CNTN4: variants seen among roughly 807,000 people sequenced by gnomAD.
CNTN4 encodes contactin 4.
Under a neutral mutation model 122.5 loss-of-function variants are expected in CNTN4, and 77 were observed. The ratio of observed to expected loss-of-function variants is 0.63; its 90% CI spans 0.52 to 0.76. The LOEUF (loss-of-function observed/expected upper bound fraction) is 0.76. Ranked by LOEUF, CNTN4 falls within the 30% of genes least tolerant of loss-of-function variation. The pLI, the probability that CNTN4 is intolerant of heterozygous loss-of-function variation, is 0.00. For synonymous variants in CNTN4, 512 were observed against 447.0 expected (o/e 1.15, Z -1.83); for missense variants, 1,256 against 1,259.1 (o/e 1.00, Z 0.04).
At chr3:2,970,399 A>G (rs1692783834) in intron 13 of CNTN4, among the ~76,000 whole-genome samples, 1 of 152,152 alleles carries the variant, frequency 6.6e-6, no homozygotes, top group African/African-American at 2.4e-5. Context: ...ACGTGGACTA[A>G]TAGGCTACTA....
At position 2,591,995 on chromosome 3, in the gene CNTN4, A is replaced by T. The variant is rs1482468783; in HGVS notation, c.55+20437A>T. Among the ~76,000 whole-genome samples, 3 of 152,132 alleles carry T rather than the reference A, an allele frequency of 2.0e-5. No individual in the cohort carries two copies. The East Asian group carries it at 5.8e-4, about 29-fold the overall frequency. On this transcript the variant is annotated intron_variant, in intron 4 of 24. Coordinates refer to ENST00000418658, the MANE Select transcript of CNTN4 (RefSeq NM_175607.3). ...TGGGCTCAAGGCATCCCCCTCCCTC[A>T]GCCTCCCTAGTATGCTGGGACTACA...
chr3:2,849,597 C>A (rs752211416), intron 7 of CNTN4, among the ~76,000 whole-genome samples: 6 of 152,210 alleles, frequency 3.9e-5, no homozygotes, highest in Non-Finnish European at 7.3e-5. Context: ...TTATCCAGCA[C>A]TTCTCCACTG....
chr3:2,580,623 A>T (rs569871017), intron 4 of CNTN4, among the ~76,000 whole-genome samples: 1 of 152,272 alleles, frequency 6.6e-6, no homozygotes, highest in African/African-American at 2.4e-5. Context: ...TTGTTGGATG[A>T]TGTAGCCCCA....
intron 3 of CNTN4, among the ~76,000 whole-genome samples, chr3:2,553,329 C>G (rs1354586916): frequency 6.6e-6 from 1 of 152,162 alleles, no homozygotes; most frequent in Non-Finnish European, 1.5e-5. Context: ...CGTTCTGTCT[C>G]TATAGGTATG....
At chr3:2,295,112 A>G (rs1029086445) in intron 2 of CNTN4, among the ~76,000 whole-genome samples, 7 of 150,242 alleles carry the variant, frequency 4.7e-5, no homozygotes, top group African/African-American at 1.2e-4. Context: ...AGTCTTTGCT[A>G]TTGTGAATAG....
At chr3:2,996,869 A>G (rs947392528) in intron 14 of CNTN4, among the ~76,000 whole-genome samples, 2 of 152,208 alleles carry the variant, frequency 1.3e-5, no homozygotes, top group African/African-American at 4.8e-5. Context: ...TAAAAAGCAT[A>G]GATCTCTCAC....
intron 12 of CNTN4, among the ~76,000 whole-genome samples, chr3:2,914,987 T>C (rs1406222295): frequency 6.6e-6 from 1 of 152,216 alleles, no homozygotes; most frequent in Admixed American, 6.5e-5. Flanking sequence ...AATCAGTTAA[T>C]ATAATATACT....
chr3:2,313,507 T>A (rs916373521), intron 2 of CNTN4, among the ~76,000 whole-genome samples: 1 of 151,840 alleles, frequency 6.6e-6, no homozygotes, highest in African/African-American at 2.4e-5. Flanking sequence ...GATTCAGAAA[T>A]AGAGGAAAAA....
At chr3:2,157,031 C>T (rs9849406) in intron 2 of CNTN4, among the ~76,000 whole-genome samples, 3,799 of 152,150 alleles carry the variant, frequency 0.025, 143 homozygotes, top group African/African-American at 0.087. Context: ...CTTGCATTTC[C>T]GTTTCGTTGG....
chr3:2,600,043 C>T (rs1296372710), intron 4 of CNTN4, among the ~76,000 whole-genome samples: 4 of 26,654 alleles, frequency 1.5e-4, no homozygotes, highest in South Asian at 1.0e-3. Flanking sequence ...TTTGCCAAAA[C>T]ATTCTTTATT....
intron 23 of CNTN4, among the ~76,000 whole-genome samples, chr3:3,049,620 G>A (rs1701046891): frequency 6.6e-6 from 1 of 152,142 alleles, no homozygotes; most frequent in African/African-American, 2.4e-5. Flanking sequence ...GAGAAAAAGA[G>A]GCTAGAGTGA....
At chr3:2,996,180 T>C (rs1695518337) in intron 14 of CNTN4, among the ~76,000 whole-genome samples, 2 of 152,158 alleles carry the variant, frequency 1.3e-5, no homozygotes, top group African/African-American at 4.8e-5. Context: ...GGTAAATTTT[T>C]AATATATATT....
intron 2 of CNTN4, among the ~76,000 whole-genome samples, chr3:2,226,335 T>A (rs180842290): frequency 6.6e-6 from 1 of 152,192 alleles, no homozygotes; most frequent in Non-Finnish European, 1.5e-5. Context: ...AAGAATCTTA[T>A]CATGTTTATT....
At chr3:2,733,142 A>T (rs151113722) in intron 4 of CNTN4, among the ~76,000 whole-genome samples, 209 of 152,306 alleles carry the variant, frequency 1.4e-3, no homozygotes, top group African/African-American at 4.5e-3. Flanking sequence ...ATTACGTTTT[A>T]TTCTTATGTG....
chr3:2,426,166 C>T (rs2047824648), intron 3 of CNTN4, among the ~76,000 whole-genome samples: 1 of 152,114 alleles, frequency 6.6e-6, no homozygotes, highest in African/African-American at 2.4e-5. Flanking sequence ...CGAAATGGTT[C>T]CAGTTTTTGC....
intron 3 of CNTN4, among the ~76,000 whole-genome samples, chr3:2,479,712 A>C (rs1200434912): frequency 6.6e-6 from 1 of 152,184 alleles, no homozygotes; most frequent in East Asian, 1.9e-4. Context: ...ACTGCCATTA[A>C]AAGTCTTGCT....
intron 7 of CNTN4, among the ~76,000 whole-genome samples, chr3:2,865,742 G>T (rs1014062141): frequency 8.5e-5 from 13 of 152,180 alleles, no homozygotes; most frequent in African/African-American, 3.1e-4. Flanking sequence ...GAGCACAATA[G>T]TTCACTGCAG....
intron 3 of CNTN4, among the ~76,000 whole-genome samples, chr3:2,451,670 A>G (rs1464969546): frequency 1.3e-5 from 2 of 152,132 alleles, no homozygotes; most frequent in Non-Finnish European, 2.9e-5. Context: ...ATTTTCATGC[A>G]ACATATTTTC....
intron 13 of CNTN4, among the ~76,000 whole-genome samples, chr3:2,937,598 C>T (rs1260868707): frequency 6.6e-6 from 1 of 152,164 alleles, no homozygotes; most frequent in Non-Finnish European, 1.5e-5. Context: ...GAGAAGACAG[C>T]AATCACAGGA....
Sources: allele counts gnomAD v4.1 joint callset (sites outside exome capture counted in the v4.1 genomes callset), GRCh38; gene constraint gnomAD v4.1.1; transcripts MANE v1.5; gene names NCBI Gene and HGNC (gene_info 2026-07-23, HGNC 2026-07-21).